Variants in NEK9 observed in about 807,000 individuals in gnomAD.
NEK9 encodes serine/threonine-protein kinase Nek9.
NEK9 carries 75 observed loss-of-function variants against 123.4 expected under a neutral mutation model. The observed-to-expected ratio is 0.61, with a 90% CI of 0.50 to 0.74. The LOEUF (loss-of-function observed/expected upper bound fraction) is 0.74, where lower values mean the gene tolerates loss of function less well. Among genes scored for constraint, NEK9 ranks in the 30% least tolerant of loss-of-function variants. The probability of loss-of-function intolerance (pLI) is 0.00; values close to 1 mark genes in which losing one functional copy is unlikely to be tolerated. For synonymous variants in NEK9, 438 were observed against 458.7 expected (o/e 0.95, Z 0.58); for missense variants, 952 against 1,214.4 (o/e 0.78, Z 3.21).
At chr14:75,095,923 T>A (rs1894367515) in intron 17 of NEK9, among the ~76,000 whole-genome samples, 1 of 152,038 alleles carries the variant, frequency 6.6e-6, no homozygotes, top group Admixed American at 6.5e-5. Context: ...ATTGCATAGG[T>A]CTGTAGGTTC....
chr14:75,087,196 C>T lies in NEK9; in HGVS notation c.2639G>A (p.Gly880Glu). ...AGGAGGAGTCAGTGGTGTTCCCTTC[C>T]CAGCACAGGTTACTGCAGGATTCAG... ...PRLNPAVTCAGKGTPLTPPAC... is the reference protein window; with the variant it reads ...PRLNPAVTCAEKGTPLTPPAC... Residue 880 changes from glycine (G) to glutamate (E), a missense_variant, in exon 21 of 22, where the codon GGG (glycine) becomes GAG (glutamate). By Grantham distance (98) the Gly-to-Glu change is moderately conservative. Coordinates refer to ENST00000238616, the MANE Select transcript of NEK9 (RefSeq NM_033116.6). 6.2e-7 allele frequency: 1 copy of T among 1,613,954 alleles called. No homozygotes were observed. The highest frequency in any genetic ancestry group is 8.5e-7 in the Non-Finnish European group (1 of 1,179,854).
intron 1 of NEK9, among the ~76,000 whole-genome samples, chr14:75,125,016 C>T (rs1013607833): frequency 1.3e-5 from 2 of 151,500 alleles, no homozygotes; most frequent in Non-Finnish European, 2.9e-5. Context: ...CTCAAGCGAC[C>T]CGACCACCTT....
chr14:75,113,187 C>T, intron 8 of NEK9, 152 bp downstream of exon 8: 1 of 671,372 alleles, frequency 1.5e-6, no homozygotes, highest in Admixed American at 2.6e-5. Context: ...AGTCAGATGC[C>T]ACCCCTAAGC....
In NEK9 at chr14:75,107,355, C is replaced by G; in HGVS notation, c.1315G>C (p.Val439Leu). ...RQVSCGDDFT[V>L]CVTDEGQLYA... is the part of the protein sequence containing the mutation. ...GCTGATGGCTTACCAGTCACACAGA[C>G]AGTGAAATCATCACCACATGACACC... The change falls in exon 11 of 22, where the codon GTC (valine) becomes CTC (leucine). Residue 439 changes from valine (V) to leucine (L), a missense_variant. This residue lies in a region of NEK9 where 698 missense variants were observed against 875.6 expected (regional missense o/e 0.80). Coordinates refer to ENST00000238616, the MANE Select transcript of NEK9 (RefSeq NM_033116.6). 1 of 1,613,222 alleles carries G rather than the reference C, an allele frequency of 6.2e-7. No homozygotes were observed. Among genetic ancestry groups the G allele is most frequent in the Non-Finnish European group, 8.5e-7 (1 of 1,179,716 alleles).
At chr14:75,123,589 A>G (rs1378746927) in intron 2 of NEK9, among the ~76,000 whole-genome samples, 1 of 152,146 alleles carries the variant, frequency 6.6e-6, no homozygotes, top group African/African-American at 2.4e-5. Context: ...GACCAGATAA[A>G]TAGGGCCATG....
At position 75,087,578 on chromosome 14, in the gene NEK9, T is replaced by C. The variant is rs187892952; in HGVS notation, c.2605-348A>G. On this transcript the variant is annotated intron_variant, in intron 20 of 21. Coordinates refer to ENST00000238616, the MANE Select transcript of NEK9 (RefSeq NM_033116.6). ...TTTGGTTTGGAACAAGTCTTTCAGA[T>C]CACAGACCCAAAGGGTCAATATTCA... Among the ~76,000 whole-genome samples, 13 of 152,344 alleles carry C rather than the reference T, an allele frequency of 8.5e-5. No individual in the cohort carries two copies. The East Asian group carries it at 2.5e-3, about 29-fold the overall frequency.
chr14:75,079,915 T>C lies in NEK9; in HGVS notation c.*4649A>G, dbSNP rs1893819714. ...AGAGAGAACAAATTGTTGTTATATG[T>C]GGGGAGTGCTTTCTAAAAAGGAAGC... is the stretch of plus-strand genomic sequence containing the variant. On this transcript the variant is annotated 3_prime_UTR_variant, in exon 22 of 22. Coordinates refer to ENST00000238616, the MANE Select transcript of NEK9 (RefSeq NM_033116.6). 3 of 152,204 alleles carry C rather than the reference T, an allele frequency of 2.0e-5. No individual in the cohort carries two copies. Among genetic ancestry groups the C allele is most frequent in the African/African-American group, 7.2e-5 (3 of 41,452 alleles). The allele number at this position is 152,204 out of a possible 1,614,324, so 9.4% of individuals were successfully genotyped here. A position where few individuals can be genotyped will look rare whatever the true frequency, so the allele number is the denominator to read the frequency against.
chr14:75,118,709 T>A, intron 5 of NEK9, 121 bp downstream of exon 5: 1 of 644,008 alleles, frequency 1.6e-6, no homozygotes. Flanking sequence ...TCTGAAGACA[T>A]GCATTAAAAG....
intron 6 of NEK9, 140 bp downstream of exon 6, chr14:75,117,055 T>C: frequency 2.0e-6 from 2 of 1,016,416 alleles, no homozygotes; most frequent in Non-Finnish European, 2.8e-6. Flanking sequence ...AGCATTTTAG[T>C]AATAGATTAC....
chr14:75,120,680 A>G, intron 3 of NEK9, 100 bp from the exon 4 acceptor site: 1 of 883,050 alleles, frequency 1.1e-6, no homozygotes, highest in Non-Finnish European at 1.8e-6. Flanking sequence ...CTGCAACCAG[A>G]AGTTATGATT....
At chr14:75,086,892 G>A (rs910275038) in intron 21 of NEK9, 126 bp downstream of exon 21, 16 of 974,112 alleles carry the variant, frequency 1.6e-5, no homozygotes, top group Middle Eastern at 3.2e-4. Flanking sequence ...GCAACAGAGC[G>A]AGACTCCGTC....
chr14:75,088,463 G>C lies in NEK9; in HGVS notation c.2604+17C>G. On this transcript the variant is annotated intron_variant, in intron 20 of 21. Coordinates refer to ENST00000238616, the MANE Select transcript of NEK9 (RefSeq NM_033116.6). ...CTGTTTACCTAGTTGTGATTCAAAGGCAAAAAGCTCAGTTACCGAGGCTTC... is the reference window on the plus strand; with the variant it reads ...CTGTTTACCTAGTTGTGATTCAAAGCCAAAAAGCTCAGTTACCGAGGCTTC... 1 of 1,610,516 alleles carries C rather than the reference G, an allele frequency of 6.2e-7. No homozygotes were observed. The highest frequency in any genetic ancestry group is 1.1e-5 in the South Asian group (1 of 90,710).
Position 75,121,039 on chromosome 14 carries a change from T to C in NEK9, c.453+80A>G, listed in dbSNP as rs749493429. The C allele has an allele frequency of 1.7e-5, 19 of 1,129,878 alleles. 1 individual carries two copies. Among genetic ancestry groups the C allele is most frequent in the Middle Eastern group, 3.9e-4 (2 of 5,166 alleles). The allele number at this position is 1,129,878 out of a possible 1,614,324, so 70.0% of individuals were successfully genotyped here. A position where few individuals can be genotyped will look rare whatever the true frequency, so the allele number is the denominator to read the frequency against. On this transcript the variant is annotated intron_variant, in intron 3 of 21. Transcript: ENST00000238616. Reference sequence around the variant, plus strand: ...AAAAGGAAAAAAACACTCTTCACTATTGGAAGAGTAAATACAGAACTAGAA... The same window carrying C: ...AAAAGGAAAAAAACACTCTTCACTACTGGAAGAGTAAATACAGAACTAGAA...
Position 75,126,783 on chromosome 14 carries a change from G to C in NEK9, c.139C>G (p.Gln47Glu), listed in dbSNP as rs1441885110. 1 of 1,531,264 alleles carries C rather than the reference G, an allele frequency of 6.5e-7. No individual in the cohort carries two copies. Among genetic ancestry groups the C allele is most frequent in the South Asian group, 1.2e-5 (1 of 81,766 alleles). 94.9% of individuals were successfully genotyped at this position (1,531,264 alleles called of 1,614,324 possible). The change falls in exon 1 of 22, where the codon CAG becomes GAG. Residue 47 changes from glutamine to glutamate, a missense_variant. Physicochemically the swap from Gln to Glu is conservative, Grantham distance 29 (BLOSUM62 2). Coordinates refer to ENST00000238616, the MANE Select transcript of NEK9 (RefSeq NM_033116.6). The part of the protein sequence containing the change: ...GPRAGGGAAE[Q>E]EELHYIPIRV... The stretch of plus-strand genomic sequence containing the variant: ...ATGGGGATGTAGTGCAGTTCCTCCT[G>C]CTCCGCCGCGCCGCCGCCGGCTCGC...
intron 1 of NEK9, among the ~76,000 whole-genome samples, chr14:75,125,944 A>G (rs187273141): frequency 4.9e-4 from 75 of 152,284 alleles, no homozygotes; most frequent in Admixed American, 4.9e-3. Flanking sequence ...TTACACTAGT[A>G]TATATTAACT....
intron 6 of NEK9, among the ~76,000 whole-genome samples, chr14:75,115,829 A>G (rs1895123577): frequency 6.6e-6 from 1 of 152,218 alleles, no homozygotes; most frequent in South Asian, 2.1e-4. Flanking sequence ...TGCATATTAA[A>G]GTTTGAGAAG....
In NEK9 at chr14:75,118,910, G is replaced by A; in HGVS notation, c.550C>T (p.Leu184=). The part of the protein sequence containing the change: ...HRDIKTLNIF[L]TKANLIKLGD... ...AGTTTTATCAGGTTTGCCTTGGTCA[G>A]AAAAATATTTAATGTCTTTATATCT... The change falls in exon 5 of 22, where the codon CTG becomes TTG. Residue 184 remains leucine, a synonymous_variant. Transcript: ENST00000238616. The A allele has an allele frequency of 6.3e-7, 1 of 1,594,550 alleles. No homozygotes were observed.
In NEK9 at chr14:75,088,649, T is replaced by A; in HGVS notation, c.2443-8A>T. 6.2e-7 allele frequency: 1 copy of A among 1,611,240 alleles called. No homozygotes were observed. The highest frequency in any genetic ancestry group is 8.5e-7 in the Non-Finnish European group (1 of 1,178,714). On this transcript the variant is annotated splice_region_variant and splice_polypyrimidine_tract_variant and intron_variant, in intron 19 of 21. Transcript: ENST00000238616. ...TTCTGCATTTTCCAGCTCCTATGTA[T>A]ATGAGAAAGAATCTCATTAGTCTGT... is the stretch of plus-strand genomic sequence containing the variant.
chr14:75,121,218 C>G, intron 2 of NEK9, 44 bp from the exon 3 acceptor site: 1 of 1,488,158 alleles, frequency 6.7e-7, no homozygotes, highest in South Asian at 1.2e-5. Flanking sequence ...TAATACAGAT[C>G]AAAGCTTGGC....
Sources: gnomAD v4.1 joint callset for allele counts (sites outside exome capture counted in the v4.1 genomes callset) on GRCh38, gnomAD v4.1.1 for gene constraint, gnomAD v4.1.1 regional missense constraint, MANE v1.5 for transcripts, NCBI Gene and HGNC (gene_info 2026-07-23, HGNC 2026-07-21) for gene names.